The following CDH4 variants were observed in gnomAD, a reference collection of about 807,000 sequenced individuals.
CDH4 encodes the protein cadherin-4.
Under a neutral mutation model 86.0 loss-of-function variants are expected in CDH4, and 33 were observed. That is an observed-to-expected ratio of 0.38 (90% CI 0.29 to 0.51). The LOEUF (loss-of-function observed/expected upper bound fraction) is 0.51. Ranked by LOEUF, CDH4 falls within the 20% of genes least tolerant of loss-of-function variation. CDH4 has a pLI of 0.86. For synonymous variants in CDH4, 555 were observed against 549.4 expected (o/e 1.01, Z -0.14); for missense variants, 1,114 against 1,307.4 (o/e 0.85, Z 2.28).
At chr20:61,433,999 A>G in intron 2 of CDH4, among the ~76,000 whole-genome samples, 1 of 152,148 alleles carries the variant, frequency 6.6e-6, no homozygotes. Flanking sequence ...AGCCACCACC[A>G]TCGTCCCATG....
At chr20:61,476,748 A>G (rs1463573271) in intron 2 of CDH4, among the ~76,000 whole-genome samples, 7 of 152,260 alleles carry the variant, frequency 4.6e-5, no homozygotes, top group Admixed American at 4.6e-4. Flanking sequence ...TTTCTCAAGC[A>G]AAACAGTGTT....
chr20:61,757,967 C>T (rs1346433281), intron 3 of CDH4, among the ~76,000 whole-genome samples: 1 of 152,124 alleles, frequency 6.6e-6, no homozygotes, highest in African/African-American at 2.4e-5. Context: ...TCACGTGTCC[C>T]GGCACTGCTG....
At chr20:61,638,106 AAGAC>A (rs1359438880) in intron 2 of CDH4, among the ~76,000 whole-genome samples, 19 of 151,986 alleles carry the variant, frequency 1.3e-4, no homozygotes, top group African/African-American at 4.4e-4. Flanking sequence ...AGGAAGTTGA[AAGAC>A]AGCCAAAAAT....
intron 2 of CDH4, among the ~76,000 whole-genome samples, chr20:61,731,123 G>T (rs1359548770): frequency 6.6e-6 from 1 of 152,022 alleles, no homozygotes; most frequent in Non-Finnish European, 1.5e-5. Context: ...TCACGGCAGG[G>T]TCCTCTCATC....
chr20:61,606,711 T>C (rs946310274), intron 2 of CDH4, among the ~76,000 whole-genome samples: 1 of 151,608 alleles, frequency 6.6e-6, no homozygotes, highest in Non-Finnish European at 1.5e-5. Context: ...CTGCCATGGC[T>C]TGTGTCGTGC....
intron 2 of CDH4, among the ~76,000 whole-genome samples, chr20:61,536,560 G>C (rs77886290): frequency 0.012 from 1,796 of 152,196 alleles, 30 homozygotes; most frequent in African/African-American, 0.041. Context: ...TGCTCCCCAG[G>C]CACCCCCATT....
intron 2 of CDH4, among the ~76,000 whole-genome samples, chr20:61,308,031 A>C (rs1256566444): frequency 1.3e-5 from 2 of 152,206 alleles, no homozygotes; most frequent in Admixed American, 1.3e-4. Context: ...AGAGCTTCTG[A>C]AACACGGCTC....
At chr20:61,503,549 C>T (rs946565477) in intron 2 of CDH4, among the ~76,000 whole-genome samples, 2 of 152,076 alleles carry the variant, frequency 1.3e-5, no homozygotes, top group Non-Finnish European at 2.9e-5. Context: ...TCATCACTGA[C>T]CCTAAATCTC....
Position 61,252,631 on chromosome 20 carries a change from G to A in CDH4, c.57+61G>A. 2.9e-6 allele frequency: 3 copies of A among 1,027,638 alleles called. No homozygotes were observed. Among genetic ancestry groups the A allele is most frequent in the Admixed American group, 4.6e-5 (1 of 21,976 alleles). The allele number at this position is 1,027,638 out of a possible 1,614,324, so 63.7% of individuals were successfully genotyped here. ...CCCCGGGCAGCGGGAGGTCGTCCCCGGATCCCGCGGGGCGCTCACACACCC... is the reference window on the plus strand; with the variant it reads ...CCCCGGGCAGCGGGAGGTCGTCCCCAGATCCCGCGGGGCGCTCACACACCC... On this transcript the variant is annotated intron_variant, in intron 1 of 15. Coordinates refer to ENST00000614565, the MANE Select transcript of CDH4 (RefSeq NM_001794.5). This position sits in a 1 kb window ranked among gnomAD's most constrained non-coding sequence, Gnocchi z 4.4.
intron 2 of CDH4, among the ~76,000 whole-genome samples, chr20:61,308,109 G>A (rs2084427100): frequency 6.6e-6 from 1 of 152,208 alleles, no homozygotes; most frequent in South Asian, 2.1e-4. Context: ...TGCCCAGTGT[G>A]TCAGGGCTGA....
At chr20:61,584,293 G>T (rs2086453739) in intron 2 of CDH4, among the ~76,000 whole-genome samples, 1 of 152,158 alleles carries the variant, frequency 6.6e-6, no homozygotes, top group South Asian at 2.1e-4. Context: ...GTTCGTCCTG[G>T]CTTCTGGGTA....
At chr20:61,667,352 C>G (rs1167925013) in intron 2 of CDH4, among the ~76,000 whole-genome samples, 1 of 152,260 alleles carries the variant, frequency 6.6e-6, no homozygotes, top group Non-Finnish European at 1.5e-5. Context: ...CCATCCTCAC[C>G]ATTCTGTGAG....
At chr20:61,767,400 G>T (rs79404375) in intron 3 of CDH4, among the ~76,000 whole-genome samples, 9,106 of 152,330 alleles carry the variant, frequency 0.06, 380 homozygotes, top group Non-Finnish European at 0.085. Flanking sequence ...AGCCCCCGGG[G>T]CAGTAGCAGG....
At chr20:61,755,368 CCACACACACA>C (rs35461836) in intron 3 of CDH4, among the ~76,000 whole-genome samples, 12 of 144,680 alleles carry the variant, frequency 8.3e-5, no homozygotes, top group Non-Finnish European at 7.6e-5. Context: ...GCCACACACA[CCACACACACA>C]CACACACACA....
At chr20:61,421,378 C>T (rs180943031) in intron 2 of CDH4, among the ~76,000 whole-genome samples, 5 of 152,288 alleles carry the variant, frequency 3.3e-5, no homozygotes, top group East Asian at 3.9e-4. Flanking sequence ...AAGGGACTCA[C>T]GTGAAGTGCA....
intron 2 of CDH4, among the ~76,000 whole-genome samples, chr20:61,630,356 A>G (rs73304701): frequency 6.6e-6 from 1 of 152,210 alleles, no homozygotes; most frequent in East Asian, 1.9e-4. Context: ...CTGGGGCCCC[A>G]GGATGCTCTT....
At chr20:61,594,511 A>G (rs937245077) in intron 2 of CDH4, among the ~76,000 whole-genome samples, 6 of 152,154 alleles carry the variant, frequency 3.9e-5, no homozygotes, top group African/African-American at 1.4e-4. Flanking sequence ...GGTTTCCAAA[A>G]CGGCATGCTG....
rs144326302 is a variant in CDH4, at chr20:61,720,132, G to T, written c.170-23431G>T. Among the ~76,000 whole-genome samples, 133 of 152,262 alleles carry T rather than the reference G, an allele frequency of 8.7e-4. 3 individuals carry two copies. The East Asian group carries it at 0.024, about 27-fold the overall frequency. On this transcript the variant is annotated intron_variant, in intron 2 of 15. Transcript: ENST00000614565. ...GTTTGGCAGCATCGCCCGTGTGTCT[G>T]CAGGGCCCTCCTGCCTTCGGGTGGA...
At chr20:61,884,026 AGGAATCGCTGCCTGGAACTG>A (rs1436006123) in intron 7 of CDH4, among the ~76,000 whole-genome samples, 4 of 152,086 alleles carry the variant, frequency 2.6e-5, no homozygotes, top group African/African-American at 4.8e-5. Flanking sequence ...AGGCCGAGGG[AGGAATCGCTGCCTGGAACTG>A]GGACTCGCTG....
Sources: gnomAD v4.1 joint callset for allele counts (sites outside exome capture counted in the v4.1 genomes callset) on GRCh38, gnomAD v4.1.1 for gene constraint, Gnocchi (gnomAD v3.1) non-coding constraint, MANE v1.5 for transcripts, NCBI Gene and HGNC (gene_info 2026-07-23, HGNC 2026-07-21) for gene names.